The following NAV2 variants were observed in gnomAD, a reference collection of about 807,000 sequenced individuals.
NAV2 encodes the protein neuron navigator 2.
In NAV2, 54 loss-of-function variants were observed where a neutral mutation model predicts 223.2. The observed-to-expected ratio is 0.24, with a 90% CI of 0.19 to 0.30. NAV2 has a LOEUF of 0.30. Ranked by LOEUF, NAV2 falls within the 10% of genes least tolerant of loss-of-function variation. The probability of loss-of-function intolerance (pLI) is 1.00; values close to 1 mark genes in which losing one functional copy is unlikely to be tolerated. For synonymous variants in NAV2, 1,279 were observed against 1,239.3 expected, an observed-to-expected ratio of 1.03 and a Z score of -0.67; for missense variants, 2,806 against 3,147.5, an observed-to-expected ratio of 0.89 and a Z score of 2.60.
At chr11:19,610,341 A>C (rs2046602306) in intron 1 of NAV2, among the ~76,000 whole-genome samples, 1 of 152,212 alleles carries the variant, frequency 6.6e-6, no homozygotes, top group African/African-American at 2.4e-5. Context: ...TGGATGAGGA[A>C]GTCAGAATAA....
In NAV2 at chr11:19,998,053, G is replaced by A. The variant is rs1449403235; in HGVS notation, c.2768+13806G>A. Among the ~76,000 whole-genome samples the A allele has an allele frequency of 6.6e-6, 1 of 152,160 alleles. No individual in the cohort carries two copies. Among genetic ancestry groups the A allele is most frequent in the Non-Finnish European group, 1.5e-5 (1 of 68,030 alleles). ...CTGAGAGGAAGGAAGCAGAACAAAA[G>A]TGTGTTTTTCTCAGCATTCCCAGGC... On this transcript the variant is annotated intron_variant, in intron 11 of 37. Coordinates refer to ENST00000349880, the MANE Select transcript of NAV2 (RefSeq NM_145117.5). The surrounding 1 kb of genome is among the most constrained non-coding windows in gnomAD (Gnocchi z 5.0).
chr11:19,736,728 C>G (rs2052337899), intron 1 of NAV2, among the ~76,000 whole-genome samples: 1 of 152,226 alleles, frequency 6.6e-6, no homozygotes. Context: ...AGCCCAGGAA[C>G]TCATGACATC....
At chr11:19,378,347 C>A (rs1247598876) in intron 1 of NAV2, among the ~76,000 whole-genome samples, 1 of 152,084 alleles carries the variant, frequency 6.6e-6, no homozygotes, top group Non-Finnish European at 1.5e-5. Context: ...TTATTACCCC[C>A]CTGCCCTGAG....
At chr11:19,680,794 C>T (rs767743909) in intron 1 of NAV2, among the ~76,000 whole-genome samples, 11 of 152,316 alleles carry the variant, frequency 7.2e-5, no homozygotes, top group South Asian at 2.1e-4. Context: ...TTATAAAACA[C>T]GGCTCTTCTG....
intron 1 of NAV2, among the ~76,000 whole-genome samples, chr11:19,675,828 G>A (rs934603081): frequency 4.6e-5 from 7 of 152,146 alleles, no homozygotes; most frequent in Non-Finnish European, 7.3e-5. Context: ...GGTAATTCAC[G>A]AGTTTTCACA....
intron 1 of NAV2, among the ~76,000 whole-genome samples, chr11:19,827,881 G>A (rs1965826): frequency 0.21 from 32,230 of 150,980 alleles, 3,892 homozygotes; most frequent in East Asian, 0.34. Context: ...GCGAGCCCAC[G>A]CCCAGGCCTA....
rs553015611 is a variant in NAV2, at chr11:19,991,892, C to A, written c.2768+7645C>A. On this transcript the variant is annotated intron_variant, in intron 11 of 37. Transcript: ENST00000349880. ...TCTCTGTTATTCTTTACCTCTCATT[C>A]CCAGCCCTTCCCCTCTCTTCCTCTT... is the stretch of plus-strand genomic sequence containing the variant. 1.1e-3 allele frequency among the ~76,000 whole-genome samples: 174 copies of A among 152,274 alleles called. 1 individual carries two copies. The highest frequency in any genetic ancestry group is 4.0e-3 in the African/African-American group (166 of 41,548).
chr11:19,465,406 C>A (rs1852316247), intron 1 of NAV2, among the ~76,000 whole-genome samples: 2 of 152,130 alleles, frequency 1.3e-5, no homozygotes, highest in Admixed American at 6.5e-5. Context: ...AAAATAGCTT[C>A]TTTGTATTAA....
At chr11:20,063,440 T>A (rs1473816414) in intron 20 of NAV2, among the ~76,000 whole-genome samples, 4 of 152,200 alleles carry the variant, frequency 2.6e-5, no homozygotes, top group African/African-American at 7.2e-5. Flanking sequence ...TGGCACGACC[T>A]TGGCTCACTG....
intron 1 of NAV2, among the ~76,000 whole-genome samples, chr11:19,564,917 C>A (rs1268523199): frequency 2.0e-5 from 3 of 152,176 alleles, no homozygotes; most frequent in African/African-American, 7.2e-5. Flanking sequence ...GGCGGATCAC[C>A]TGAGGTCAGG....
At chr11:20,118,065 T>A in intron 37 of NAV2, 68 bp from the exon 38 acceptor site, 1 of 1,591,072 alleles carries the variant, frequency 6.3e-7, no homozygotes, top group Non-Finnish European at 8.5e-7. Context: ...TGGCATGACC[T>A]TTTAGGAGTC....
rs141369920 is a variant in NAV2, at chr11:19,639,454, A to G, written c.76-193030A>G. Among the ~76,000 whole-genome samples, 17 of 152,350 alleles carry G rather than the reference A, an allele frequency of 1.1e-4. No homozygotes were observed. The East Asian group carries it at 2.5e-3, about 22-fold the overall frequency. ...CCAATAGTTATACTTTAGATCTAGC[A>G]CTGTATATAGAATGGCAAAATATTT... On this transcript the variant is annotated intron_variant, in intron 1 of 37. Coordinates refer to the NAV2 transcript ENST00000360655.
the NAV2 span, among the ~76,000 whole-genome samples, chr11:19,345,641 A>G: frequency 6.6e-6 from 1 of 152,158 alleles, no homozygotes; most frequent in Non-Finnish European, 1.5e-5. This position sits in a 1 kb window ranked among gnomAD's most constrained non-coding sequence, Gnocchi z 5.2. Context: ...GCCCTTGTTC[A>G]CAGATGCGCT....
At chr11:19,476,408 A>G (rs2042116945) in intron 1 of NAV2, among the ~76,000 whole-genome samples, 2 of 151,726 alleles carry the variant, frequency 1.3e-5, no homozygotes, top group African/African-American at 2.4e-5. Context: ...CCTTACTCCT[A>G]TGGGTATTTG....
At chr11:19,597,758 T>A (rs1284554781) in intron 1 of NAV2, among the ~76,000 whole-genome samples, 1 of 152,248 alleles carries the variant, frequency 6.6e-6, no homozygotes, top group Non-Finnish European at 1.5e-5. Flanking sequence ...CAAGTGGGCA[T>A]TTTTAGCTGA....
At chr11:19,852,154 T>C (rs2061180675) in intron 3 of NAV2, among the ~76,000 whole-genome samples, 1 of 152,252 alleles carries the variant, frequency 6.6e-6, no homozygotes, top group African/African-American at 2.4e-5. Flanking sequence ...GAACTGTAGA[T>C]AATACATCTG....
Position 19,907,723 on chromosome 11 carries a change from T to A in NAV2, c.931+15129T>A, listed in dbSNP as rs201034037. 2.0e-5 allele frequency among the ~76,000 whole-genome samples: 3 copies of A among 152,228 alleles called. No individual in the cohort carries two copies. The East Asian group carries it at 5.8e-4, about 29-fold the overall frequency. On this transcript the variant is annotated intron_variant, in intron 6 of 37. Coordinates refer to ENST00000349880, the MANE Select transcript of NAV2 (RefSeq NM_145117.5). ...ACAATGTTTGAAAGTCAGAATTGAT[T>A]ATTTTTCCACAGTGTTTTGGAACAA...
intron 1 of NAV2, among the ~76,000 whole-genome samples, chr11:19,594,282 A>C (rs1433197045): frequency 6.6e-6 from 1 of 152,194 alleles, no homozygotes; most frequent in African/African-American, 2.4e-5. Flanking sequence ...AGGCTCAAGC[A>C]CTAGAACAGA....
At chr11:20,001,599 A>C (rs1269257141) in intron 11 of NAV2, among the ~76,000 whole-genome samples, 4 of 150,566 alleles carry the variant, frequency 2.7e-5, no homozygotes, top group Admixed American at 2.7e-4. Context: ...GTAGGTCTTC[A>C]GTAAACATCA....
Sources: allele counts gnomAD v4.1 joint callset (sites outside exome capture counted in the v4.1 genomes callset), GRCh38; gene constraint gnomAD v4.1.1; non-coding constraint Gnocchi (gnomAD v3.1); transcripts MANE v1.5; gene names NCBI Gene and HGNC (gene_info 2026-07-23, HGNC 2026-07-21).